Variants in PARP1 observed in about 807,000 individuals in gnomAD.
The protein encoded by PARP1 is poly(ADP-ribose) polymerase 1.
PARP1 carries 44 observed loss-of-function variants against 118.7 expected under a neutral mutation model. That is an observed-to-expected ratio of 0.37 (90% confidence interval 0.29 to 0.48). PARP1 has a LOEUF of 0.48. Ranked by LOEUF, PARP1 falls within the 20% of genes least tolerant of loss-of-function variation. PARP1 has a pLI of 0.99. For synonymous variants in PARP1, 492 were observed against 483.2 expected (o/e 1.02, Z -0.24); for missense variants, 1,100 against 1,272.4 (o/e 0.86, Z 2.06).
intron 12 of PARP1, 149 bp from the exon 13 acceptor site, chr1:226,377,452 A>AT (rs1355307135): frequency 1.5e-6 from 1 of 669,072 alleles, no homozygotes; most frequent in Non-Finnish European, 2.7e-6. Flanking sequence ...CACAACTGCT[A>AT]TAACAATAAA....
chr1:226,368,259 C>G lies in PARP1; in HGVS notation c.2217G>C (p.Leu739=), dbSNP rs746447487. The change falls in exon 16 of 23, where the codon CTG becomes CTC. Residue 739 remains leucine, a synonymous_variant. Transcript: ENST00000366794. ...ILDLSNRFYT[L]IPHDFGMKKP... is the part of the protein sequence containing the mutation. ...TCTTCATCCCAAAGTCGTGGGGGAT[C>G]AGGGTGTAAAAGCGATTTGAGAGAT... is the stretch of plus-strand genomic sequence containing the variant. The G allele has an allele frequency of 6.2e-7, 1 of 1,614,060 alleles. No homozygotes were observed. Among genetic ancestry groups the G allele is most frequent in the Admixed American group, 1.7e-5 (1 of 60,002 alleles).
At chr1:226,390,358 C>A in intron 4 of PARP1, 52 bp downstream of exon 4, 1 of 1,524,672 alleles carries the variant, frequency 6.6e-7, no homozygotes, top group Non-Finnish European at 9.1e-7. Context: ...CTTTGGGCCT[C>A]CCTTGAACCC....
chr1:226,407,635 G>A (rs1016025872), intron 1 of PARP1, among the ~76,000 whole-genome samples, 175 bp downstream of exon 1: 1 of 152,058 alleles, frequency 6.6e-6, no homozygotes, highest in Non-Finnish European at 1.5e-5. Flanking sequence ...AAACCTTCCG[G>A]AAGGGTCGGC....
intron 15 of PARP1, 119 bp downstream of exon 15, chr1:226,370,315 C>G: frequency 1.3e-6 from 1 of 798,124 alleles, no homozygotes; most frequent in Non-Finnish European, 2.3e-6. Context: ...TCGTGAAGTG[C>G]AGTTCAGTAC....
rs1247381341 is a variant in PARP1, at chr1:226,370,581, G to A, written c.2071-64C>T. 244 of 1,344,644 alleles carry A rather than the reference G, an allele frequency of 1.8e-4. 2 individuals carry two copies. Among genetic ancestry groups the A allele is most frequent in the Non-Finnish European group, 1.2e-4 (109 of 936,810 alleles). The allele number at this position is 1,344,644 out of a possible 1,614,324, so 83.3% of individuals were successfully genotyped here. Reference sequence around the variant, plus strand: ...TGTGCAGTGTGATCGCAGGAGAGCTGGACCGGGCAGCCCACCCTCAGGCCC... The same window carrying A: ...TGTGCAGTGTGATCGCAGGAGAGCTAGACCGGGCAGCCCACCCTCAGGCCC... On this transcript the variant is annotated intron_variant, in intron 14 of 22. Coordinates refer to ENST00000366794, the MANE Select transcript of PARP1 (RefSeq NM_001618.4).
chr1:226,401,586 G>A (rs1371683336), intron 2 of PARP1, among the ~76,000 whole-genome samples: 4 of 152,138 alleles, frequency 2.6e-5, no homozygotes, highest in African/African-American at 7.2e-5. Flanking sequence ...AAGCTGCTTC[G>A]TCCCTGTCCC....
At chr1:226,386,695 C>T (rs1664723531) in intron 5 of PARP1, among the ~76,000 whole-genome samples, 2 of 152,162 alleles carry the variant, frequency 1.3e-5, no homozygotes, top group South Asian at 4.1e-4. Context: ...GTGGGGGAGA[C>T]TGCACCAAGG....
intron 14 of PARP1, 104 bp downstream of exon 14, chr1:226,374,122 T>C (rs538875781): frequency 6.3e-5 from 85 of 1,347,824 alleles, no homozygotes; most frequent in South Asian, 3.8e-4. Flanking sequence ...AGCCAATGTA[T>C]TGTTTTTGAA....
At chr1:226,369,132 A>G (rs1351988860) in intron 15 of PARP1, among the ~76,000 whole-genome samples, 1 of 152,250 alleles carries the variant, frequency 6.6e-6, no homozygotes, top group East Asian at 1.9e-4. Context: ...TTGCATGGGA[A>G]GAAGCTGGGG....
intron 12 of PARP1, among the ~76,000 whole-genome samples, chr1:226,378,170 C>T (rs1558236735): frequency 6.6e-6 from 1 of 152,080 alleles, no homozygotes; most frequent in Non-Finnish European, 1.5e-5. Flanking sequence ...ATCTAAGCCA[C>T]CAGAAAAATG....
At chr1:226,378,970 C>T (rs139640922) in intron 12 of PARP1, among the ~76,000 whole-genome samples, 172 bp downstream of exon 12, 2 of 152,364 alleles carry the variant, frequency 1.3e-5, no homozygotes, top group Non-Finnish European at 2.9e-5. Context: ...TAGTAAGTGG[C>T]TTCTTTCTCC....
At chr1:226,385,968 C>T (rs1576398201) in intron 6 of PARP1, among the ~76,000 whole-genome samples, 1 of 152,160 alleles carries the variant, frequency 6.6e-6, no homozygotes, top group East Asian at 1.9e-4. Context: ...AAGTACAGTG[C>T]CAAGCCAACT....
intron 2 of PARP1, among the ~76,000 whole-genome samples, chr1:226,394,784 GA>G (rs1664885256): frequency 1.3e-5 from 2 of 151,802 alleles, no homozygotes; most frequent in East Asian, 1.9e-4. Flanking sequence ...TGAAAAAAAA[GA>G]AAAAAAGACA....
chr1:226,404,553 C>T (rs1450174666), intron 1 of PARP1, among the ~76,000 whole-genome samples: 4 of 152,208 alleles, frequency 2.6e-5, no homozygotes, highest in Non-Finnish European at 5.9e-5. Context: ...CCCCAACCAC[C>T]GGCACAGTGC....
intron 6 of PARP1, 90 bp from the exon 7 acceptor site, chr1:226,385,770 T>C (rs1664704433): frequency 8.8e-7 from 1 of 1,139,092 alleles, no homozygotes. Context: ...CTTGCACAGA[T>C]TCCACTCACT....
At chr1:226,395,658 C>G (rs532599138) in intron 2 of PARP1, among the ~76,000 whole-genome samples, 1 of 152,178 alleles carries the variant, frequency 6.6e-6, no homozygotes, top group South Asian at 2.1e-4. Context: ...AAACAAAAAA[C>G]AAAGTGCAGA....
chr1:226,400,682 C>T (rs925852347), intron 2 of PARP1, among the ~76,000 whole-genome samples: 8 of 152,178 alleles, frequency 5.3e-5, no homozygotes, highest in African/African-American at 1.9e-4. Context: ...GAGAGTCCTC[C>T]CGCCACTTCC....
At chr1:226,388,415 T>C (rs1376044581) in intron 5 of PARP1, among the ~76,000 whole-genome samples, 1 of 152,252 alleles carries the variant, frequency 6.6e-6, no homozygotes, top group Non-Finnish European at 1.5e-5. Flanking sequence ...CACTCAGCCC[T>C]TGCTCAAGCC....
Position 226,363,944 on chromosome 1 carries a change from T to A in PARP1, c.2785A>T (p.Met929Leu). 1 of 1,613,848 alleles carries A rather than the reference T, an allele frequency of 6.2e-7. No homozygotes were observed. Among genetic ancestry groups the A allele is most frequent in the Non-Finnish European group, 8.5e-7 (1 of 1,179,920 alleles). ...AGTCCCAGAGCCAGGTTTACTCACA[T>A]GTTTCCAAGGGCAACTTCTCCCAAC... Reference protein sequence around the residue: ...ILLGEVALGNMYELKHASHIS... With the variant: ...ILLGEVALGNLYELKHASHIS... Residue 929 changes from methionine (M) to leucine (L), a missense_variant and splice_region_variant, in exon 20 of 23, where the codon ATG becomes TTG. Transcript: ENST00000366794.
Sources: allele counts gnomAD v4.1 joint callset (sites outside exome capture counted in the v4.1 genomes callset), GRCh38; gene constraint gnomAD v4.1.1; transcripts MANE v1.5; gene names NCBI Gene and HGNC (gene_info 2026-07-23, HGNC 2026-07-21).